Variants in BIRC6 observed in about 807,000 individuals in gnomAD.
BIRC6 encodes dual E2 ubiquitin-conjugating enzyme/E3 ubiquitin-protein ligase BIRC6.
Under a neutral mutation model 503.3 loss-of-function variants are expected in BIRC6, and 98 were observed. That is an observed-to-expected ratio of 0.19 (90% CI 0.17 to 0.23). BIRC6 has a LOEUF of 0.23. Among genes scored for constraint, BIRC6 ranks in the 10% least tolerant of loss-of-function variants. BIRC6 has a pLI of 1.00. For missense variants in BIRC6, 5,360 were observed against 5,806.0 expected, an observed-to-expected ratio of 0.92 and a Z score of 2.50; for synonymous variants, 2,240 against 2,078.7, an observed-to-expected ratio of 1.08 and a Z score of -2.11.
In BIRC6 at chr2:32,463,263, C is replaced by T; in HGVS notation, c.4823C>T (p.Ala1608Val). ...GGGACAGTTGGGGAAGCCTCGACAG[C>T]CCTGAGTTCAGCAGCCCAGGTAGCT... ...SSGTVGEASTALSSAAQVALQ... is the reference protein window; with the variant it reads ...SSGTVGEASTVLSSAAQVALQ... The change falls in exon 24 of 74, where the codon GCC becomes GTC. Residue 1608 changes from alanine (A) to valine (V), a missense_variant. This residue lies in a region of BIRC6 where 2,299 missense variants were observed against 2,267.2 expected (regional missense o/e 1.01). Transcript: ENST00000421745. 1 of 1,613,744 alleles carries T rather than the reference C, an allele frequency of 6.2e-7. No homozygotes were observed. Among genetic ancestry groups the T allele is most frequent in the Non-Finnish European group, 8.5e-7 (1 of 1,179,802 alleles).
rs2060182061 is a variant in BIRC6 at position 32,575,179 on chromosome 2, C to T, written c.13168C>T (p.Pro4390Ser). 1.2e-6 allele frequency: 2 copies of T among 1,613,984 alleles called. No individual in the cohort carries two copies. Among genetic ancestry groups the T allele is most frequent in the African/African-American group, 1.3e-5 (1 of 75,028 alleles). ...DSVLDMARHV[P>S]LYRALLELLR... ...AGTTCTGGACATGGCAAGACATGTG[C>T]CACTCTATCGGGCACTGCTGGAATT... is the stretch of plus-strand genomic sequence containing the variant. Residue 4390 changes from proline to serine, a missense_variant, in exon 66 of 74, where the codon CCA becomes TCA. Around this residue, in one of 16 missense-constraint regions of BIRC6, gnomAD observed 477 missense variants for 574.4 expected, o/e 0.83. Transcript: ENST00000421745.
chr2:32,362,127 A>G (rs1301747384), intron 1 of BIRC6, among the ~76,000 whole-genome samples: 1 of 152,138 alleles, frequency 6.6e-6, no homozygotes, highest in African/African-American at 2.4e-5. Flanking sequence ...GTGGCTGTGT[A>G]CCATTTTGTA....
At chr2:32,377,821 A>G (rs908216677) in intron 2 of BIRC6, 52 bp downstream of exon 2, 6 of 1,416,432 alleles carry the variant, frequency 4.2e-6, no homozygotes, top group African/African-American at 2.9e-5. Flanking sequence ...AATCTTAGAC[A>G]TATTAGATGT....
chr2:32,442,681 G>A (rs2045551551), intron 19 of BIRC6, among the ~76,000 whole-genome samples: 2 of 152,194 alleles, frequency 1.3e-5, no homozygotes, highest in Admixed American at 6.5e-5. Flanking sequence ...GAAGTCTGCT[G>A]AGCTTCTCTG....
intron 1 of BIRC6, among the ~76,000 whole-genome samples, chr2:32,369,970 ATATATATATATATATGTATGTATG>A (rs2035644400): frequency 1.5e-5 from 1 of 64,948 alleles, no homozygotes; most frequent in South Asian, 6.1e-4. Context: ...ATATATATAT[ATATATATATATATATGTATGTATG>A]TATGTGTGTG....
intron 1 of BIRC6, among the ~76,000 whole-genome samples, chr2:32,366,350 C>T (rs1204854699): frequency 1.3e-5 from 2 of 152,124 alleles, no homozygotes; most frequent in Non-Finnish European, 2.9e-5. Context: ...GCTATTTTCT[C>T]TTCACTTGTT....
intron 2 of BIRC6, among the ~76,000 whole-genome samples, chr2:32,378,684 T>A (rs895442646): frequency 6.6e-6 from 1 of 152,240 alleles, no homozygotes; most frequent in East Asian, 1.9e-4. Flanking sequence ...CTTGAGCTCC[T>A]GACTTCAATT....
intron 66 of BIRC6, among the ~76,000 whole-genome samples, chr2:32,576,558 A>G (rs909493256): frequency 2.6e-5 from 4 of 152,138 alleles, no homozygotes; most frequent in African/African-American, 9.7e-5. Flanking sequence ...CATTTACCGT[A>G]TTTACTGTAT....
intron 6 of BIRC6, among the ~76,000 whole-genome samples, chr2:32,398,909 AGGATTTATAGAT>A (rs1469105415): frequency 6.6e-6 from 1 of 152,180 alleles, no homozygotes; most frequent in African/African-American, 2.4e-5. Context: ...AAAATTGCCC[AGGATTTATAGAT>A]GGATTTATAT....
chr2:32,494,961 CTTT>C (rs1250594734), intron 45 of BIRC6, among the ~76,000 whole-genome samples: 1 of 152,072 alleles, frequency 6.6e-6, no homozygotes, highest in Non-Finnish European at 1.5e-5. Context: ...ACTATTGCCA[CTTT>C]TTTATCTAAT....
intron 45 of BIRC6, among the ~76,000 whole-genome samples, chr2:32,498,316 C>CACTGGCATT (rs1400120322): frequency 5.9e-5 from 9 of 152,206 alleles, no homozygotes; most frequent in Non-Finnish European, 1.2e-4. Flanking sequence ...CCACCCGTGT[C>CACTGGCATT]ACTGGCATTA....
intron 64 of BIRC6, among the ~76,000 whole-genome samples, chr2:32,548,524 G>A (rs546057296): frequency 7.2e-5 from 11 of 151,840 alleles, no homozygotes; most frequent in Non-Finnish European, 1.5e-4. Context: ...GCTCATGCCT[G>A]TTATCCCAGC....
chr2:32,593,860 T>C, intron 66 of BIRC6, 55 bp from the exon 67 acceptor site: 1 of 1,472,128 alleles, frequency 6.8e-7, no homozygotes, highest in Non-Finnish European at 9.4e-7. Flanking sequence ...TGGAGGTGTT[T>C]TAGTCCTAAA....
chr2:32,504,957 A>G (rs751263965), intron 49 of BIRC6, 48 bp from the exon 50 acceptor site: 4 of 1,469,164 alleles, frequency 2.7e-6, no homozygotes, highest in Non-Finnish European at 2.8e-6. Flanking sequence ...AAGCTTTATT[A>G]TGTTTCTTTT....
intron 60 of BIRC6, among the ~76,000 whole-genome samples, chr2:32,530,963 A>G (rs1056450358): frequency 6.6e-6 from 1 of 152,248 alleles, no homozygotes. Context: ...ATTATTTGCT[A>G]TGAGAACTTT....
chr2:32,520,645 C>T (rs530500336), intron 57 of BIRC6, among the ~76,000 whole-genome samples: 1 of 152,260 alleles, frequency 6.6e-6, no homozygotes, highest in Admixed American at 6.5e-5. Flanking sequence ...TGGGGAAACA[C>T]ATGTCTACTA....
intron 3 of BIRC6, among the ~76,000 whole-genome samples, chr2:32,381,646 A>G (rs1214046013): frequency 6.6e-6 from 1 of 151,350 alleles, no homozygotes; most frequent in East Asian, 1.9e-4. Flanking sequence ...CGTGGATTCA[A>G]GCTATTCTCC....
At position 32,543,511 on chromosome 2, in the gene BIRC6, G is replaced by T; in HGVS notation, c.12562G>T (p.Val4188Leu). ...RKHAQCLLRL[V>L]LGVTDDGEGS... ...ACATGCCCAGTGCCTTCTTCGATTG[G>T]TATTGGGAGTGACAGATGATGGAGA... The change falls in exon 62 of 74, where the codon GTA becomes TTA. Residue 4188 changes from valine to leucine, a missense_variant. Around this residue, in one of 16 missense-constraint regions of BIRC6, gnomAD observed 477 missense variants for 574.4 expected, o/e 0.83. Coordinates refer to ENST00000421745, the MANE Select transcript of BIRC6 (RefSeq NM_016252.4). 1.2e-6 allele frequency: 2 copies of T among 1,613,880 alleles called. No individual in the cohort carries two copies. The highest frequency in any genetic ancestry group is 1.7e-6 in the Non-Finnish European group (2 of 1,179,872).
At chr2:32,600,036 G>C (rs2061946383) in intron 70 of BIRC6, 136 bp downstream of exon 70, 2 of 789,110 alleles carry the variant, frequency 2.5e-6, no homozygotes, top group Non-Finnish European at 3.9e-6. Context: ...CCTACGTCCA[G>C]ATTAGCTTAA....
Sources: allele counts gnomAD v4.1 joint callset (sites outside exome capture counted in the v4.1 genomes callset), GRCh38; gene constraint gnomAD v4.1.1; regional missense constraint gnomAD v4.1.1; transcripts MANE v1.5; gene names NCBI Gene and HGNC (gene_info 2026-07-23, HGNC 2026-07-21).